ST3GAL3: variants seen among roughly 807,000 people sequenced by gnomAD.
The protein encoded by ST3GAL3 is ST3 beta-galactoside alpha-2,3-sialyltransferase 3, also known as CMP-N-acetylneuraminate-beta-1,4-galactoside alpha-2,3-sialyltransferase.
ST3GAL3 carries 21 observed loss-of-function variants against 50.1 expected under a neutral mutation model. The observed-to-expected ratio is 0.42, with a 90% CI of 0.30 to 0.60. The LOEUF is 0.60. Ranked by LOEUF, ST3GAL3 falls within the 20% of genes least tolerant of loss-of-function variation. The pLI is 0.19. For missense variants in ST3GAL3, 353 were observed against 489.4 expected, an observed-to-expected ratio of 0.72 and a Z score of 2.63; for synonymous variants, 183 against 190.0, an observed-to-expected ratio of 0.96 and a Z score of 0.30.
At chr1:43,897,217 G>C (rs992775049) in intron 6 of ST3GAL3, among the ~76,000 whole-genome samples, 1 of 152,032 alleles carries the variant, frequency 6.6e-6, no homozygotes, top group Non-Finnish European at 1.5e-5. Flanking sequence ...ACGCCTAGGA[G>C]CATAGTTGTA....
intron 2 of ST3GAL3, among the ~76,000 whole-genome samples, chr1:43,760,572 G>A (rs1689899789): frequency 1.3e-5 from 2 of 152,284 alleles, no homozygotes; most frequent in African/African-American, 4.8e-5. Flanking sequence ...CGGCTAACAC[G>A]GTGAAACCCC....
chr1:43,859,759 C>T (rs1411702486), intron 5 of ST3GAL3, among the ~76,000 whole-genome samples: 2 of 152,174 alleles, frequency 1.3e-5, no homozygotes, highest in African/African-American at 4.8e-5. Context: ...CAGAAACCAG[C>T]TCTGATGAGG....
chr1:43,762,679 A>G (rs1436178519), intron 2 of ST3GAL3, among the ~76,000 whole-genome samples: 1 of 152,316 alleles, frequency 6.6e-6, no homozygotes, highest in East Asian at 1.9e-4. Context: ...ACATAAGCAT[A>G]TATATTATAT....
intron 1 of ST3GAL3, among the ~76,000 whole-genome samples, chr1:43,712,832 G>C (rs1665461840): frequency 6.6e-6 from 1 of 152,324 alleles, no homozygotes; most frequent in East Asian, 1.9e-4. Context: ...TATGGAGCCT[G>C]TTGGGGGAGT....
intron 2 of ST3GAL3, among the ~76,000 whole-genome samples, chr1:43,757,407 TATC>T (rs746416068): frequency 3.9e-5 from 6 of 152,174 alleles, no homozygotes; most frequent in Non-Finnish European, 7.3e-5. Context: ...TTTCAAAACT[TATC>T]ATAAAGCCAG....
intron 3 of ST3GAL3, among the ~76,000 whole-genome samples, chr1:43,811,324 G>A (rs2060531899): frequency 6.6e-6 from 1 of 152,180 alleles, no homozygotes; most frequent in Non-Finnish European, 1.5e-5. Flanking sequence ...GAGAGAGAAT[G>A]AGCAGTAGAG....
At chr1:43,871,261 T>C (rs1215893223) in intron 5 of ST3GAL3, among the ~76,000 whole-genome samples, 3 of 152,138 alleles carry the variant, frequency 2.0e-5, no homozygotes, top group Admixed American at 2.0e-4. Context: ...CTTGGCAGGA[T>C]GTGCACTGTA....
chr1:43,793,957 T>C lies in ST3GAL3; in HGVS notation c.166+1808T>C, dbSNP rs1043496440. ...AAAATAGTAAGGGCACGGTGGCGTGTGCCTGTAGTCTGAGGTACTCAGGAT... is the reference window on the plus strand; with the variant it reads ...AAAATAGTAAGGGCACGGTGGCGTGCGCCTGTAGTCTGAGGTACTCAGGAT... On this transcript the variant is annotated intron_variant, in intron 3 of 11. Coordinates refer to ENST00000347631, the MANE Select transcript of ST3GAL3 (RefSeq NM_006279.5). 2.1e-4 allele frequency among the ~76,000 whole-genome samples: 32 copies of C among 151,730 alleles called. 1 individual carries two copies. Among genetic ancestry groups the C allele is most frequent in the African/African-American group, 7.0e-4 (29 of 41,308 alleles).
At chr1:43,889,829 AAG>A (rs1443817783) in intron 5 of ST3GAL3, among the ~76,000 whole-genome samples, 28 of 152,366 alleles carry the variant, frequency 1.8e-4, no homozygotes, top group African/African-American at 6.3e-4. Context: ...AAAAAAGAAA[AAG>A]AAGATAAATA....
At chr1:43,907,338 T>C (rs568245021) in intron 9 of ST3GAL3, among the ~76,000 whole-genome samples, 3 of 152,322 alleles carry the variant, frequency 2.0e-5, no homozygotes, top group African/African-American at 7.2e-5. Flanking sequence ...TTCCTTCAGA[T>C]CCAGCCAGTC....
At chr1:43,750,166 G>C (rs1323824852) in intron 2 of ST3GAL3, among the ~76,000 whole-genome samples, 1 of 152,154 alleles carries the variant, frequency 6.6e-6, no homozygotes, top group Non-Finnish European at 1.5e-5. Flanking sequence ...ACACCCATTA[G>C]AATTGCTGAA....
chr1:43,920,836 G>C lies in ST3GAL3; in HGVS notation c.946G>C (p.Glu316Gln), dbSNP rs770661277. The C allele has an allele frequency of 1.2e-6, 2 of 1,614,132 alleles. No individual in the cohort carries two copies. Among genetic ancestry groups the C allele is most frequent in the Non-Finnish European group, 1.7e-6 (2 of 1,180,016 alleles). The part of the protein sequence containing the change: ...AVTMALHGCD[E>Q]VAVAGFGYDM... ...GACCATGGCACTACACGGCTGTGAC[G>C]AGGTGGCAGTCGCAGGATTTGGCTA... The change falls in exon 11 of 12, where the codon GAG (glutamate) becomes CAG (glutamine). Residue 316 changes from glutamate (E) to glutamine (Q), a missense_variant. Glu to Gln is a conservative substitution (Grantham distance 29). Transcript: ENST00000347631.
rs1018986827 is a variant in ST3GAL3 at position 43,740,882 on chromosome 1, G to C, written c.118+4502G>C. On this transcript the variant is annotated intron_variant, in intron 2 of 11. Coordinates refer to ENST00000347631, the MANE Select transcript of ST3GAL3 (RefSeq NM_006279.5). Reference sequence around the variant, plus strand: ...TGAGGGAGGGAGGAAGAGGGAGAGAGAGAGACAGAGAAAGGGAGCGAGGAA... The same window carrying C: ...TGAGGGAGGGAGGAAGAGGGAGAGACAGAGACAGAGAAAGGGAGCGAGGAA... Among the ~76,000 whole-genome samples the C allele has an allele frequency of 2.0e-4, 30 of 150,168 alleles. 1 individual carries two copies. Among genetic ancestry groups the C allele is most frequent in the Admixed American group, 6.7e-5 (1 of 15,008 alleles).
intron 9 of ST3GAL3, among the ~76,000 whole-genome samples, chr1:43,908,838 G>A (rs912515826): frequency 1.2e-4 from 18 of 152,056 alleles, no homozygotes; most frequent in Non-Finnish European, 4.4e-5. Context: ...CGCCATGTTG[G>A]CCAGGCTGCT....
Position 43,857,568 on chromosome 1 carries a change from TTTCTTTCCTTCCTCCCTCCC to T in ST3GAL3, c.302+19261_302+19280del, listed in dbSNP as rs1289953554. On this transcript the variant is annotated intron_variant, in intron 5 of 11. Transcript: ENST00000347631. ...CTCCCTTCCTTCCTTTCCTTCCTTCTTTCTTTCCTTCCTCCCTCCCTTCCTTCCTTCCTTCCTTCCTTCCT... is the reference window on the plus strand; with the variant it reads ...CTCCCTTCCTTCCTTTCCTTCCTTCTTTCCTTCCTTCCTTCCTTCCTTCCT... Among the ~76,000 whole-genome samples the T allele has an allele frequency of 4.1e-4, 14 of 34,528 alleles. 2 individuals are homozygous for T. The highest frequency in any genetic ancestry group is 1.1e-3 in the Non-Finnish European group (13 of 11,700). 22.7% of individuals were successfully genotyped at this position (34,528 alleles called of 152,430 possible).
At chr1:43,812,251 A>G (rs2060644031) in intron 3 of ST3GAL3, among the ~76,000 whole-genome samples, 1 of 152,140 alleles carries the variant, frequency 6.6e-6, no homozygotes, top group Non-Finnish European at 1.5e-5. Flanking sequence ...GGCTTGAAAA[A>G]AATCTGAAGA....
At chr1:43,775,913 G>C (rs988728934) in intron 2 of ST3GAL3, among the ~76,000 whole-genome samples, 1 of 152,110 alleles carries the variant, frequency 6.6e-6, no homozygotes, top group Admixed American at 6.5e-5. Context: ...GCAAGAGGCA[G>C]GTGAAGGAGA....
intron 9 of ST3GAL3, among the ~76,000 whole-genome samples, chr1:43,905,407 C>T (rs1321919644): frequency 3.5e-5 from 4 of 114,794 alleles, no homozygotes; most frequent in Admixed American, 8.4e-5. Flanking sequence ...CCCTTCTGCT[C>T]CTCTTCCTGC....
chr1:43,747,509 C>G lies in ST3GAL3; in HGVS notation c.118+11129C>G, dbSNP rs190364321. On this transcript the variant is annotated intron_variant, in intron 2 of 11. Transcript: ENST00000347631. ...TGTCTCCAGGCATGCCACTCTCCCG[C>G]ACCTCCACGTGTTCAACGGTCTGGG... Among the ~76,000 whole-genome samples the G allele has an allele frequency of 2.0e-4, 30 of 151,636 alleles. No individual in the cohort carries two copies. In the East Asian group the frequency reaches 5.8e-3, roughly 29 times the overall value.
Sources: gnomAD v4.1 joint callset for allele counts (sites outside exome capture counted in the v4.1 genomes callset) on GRCh38, gnomAD v4.1.1 for gene constraint, MANE v1.5 for transcripts, NCBI Gene and HGNC (gene_info 2026-07-23, HGNC 2026-07-21) for gene names.